ARHGEF1: variants seen among roughly 807,000 people sequenced by gnomAD.
The protein encoded by ARHGEF1 is Rho guanine nucleotide exchange factor 1.
A neutral mutation model predicts 119.7 loss-of-function variants in ARHGEF1; 40 were observed. The observed-to-expected ratio is 0.33, with a 90% CI of 0.26 to 0.44. The LOEUF is 0.44. ARHGEF1 is among the 20% of genes least tolerant of loss of function. ARHGEF1 has a pLI of 1.00. For missense variants in ARHGEF1, 976 were observed against 1,268.3 expected (o/e 0.77, Z 3.50); for synonymous variants, 494 against 521.0 (o/e 0.95, Z 0.71).
downstream of ARHGEF1, chr19:41,908,336 C>T (rs948435216): frequency 2.1e-5 from 26 of 1,231,384 alleles, no homozygotes; most frequent in African/African-American, 4.7e-5. The surrounding 1 kb of genome is among the most constrained non-coding windows in gnomAD (Gnocchi z 6.7). Flanking sequence ...TCTCCAGCTC[C>T]GAGTCGCTGT....
chr19:41,915,389 G>A (rs1314153573), intron 18 of ARHGEF1, among the ~76,000 whole-genome samples: 12 of 150,894 alleles, frequency 8.0e-5, no homozygotes, highest in African/African-American at 1.5e-4. Flanking sequence ...CGCCTCTGCC[G>A]CCCTGTCCCC....
intron 1 of ARHGEF1, among the ~76,000 whole-genome samples, chr19:41,885,682 G>C (rs946113195): frequency 3.9e-5 from 6 of 152,136 alleles, no homozygotes; most frequent in Non-Finnish European, 8.8e-5. Context: ...GGATGGTGTC[G>C]ATCTCTTGAC....
At position 41,906,965 on chromosome 19, in the gene ARHGEF1, C is replaced by G. The variant is rs1458025802; in HGVS notation, c.*18-140C>G. 1.0e-6 allele frequency: 1 copy of G among 967,364 alleles called. No homozygotes were observed. The highest frequency in any genetic ancestry group is 1.5e-6 in the Non-Finnish European group (1 of 674,162). 59.9% of individuals were successfully genotyped at this position (967,364 alleles called of 1,614,324 possible). A position where few individuals can be genotyped will look rare whatever the true frequency, so the allele number is the denominator to read the frequency against. On this transcript the variant is annotated intron_variant, in intron 28 of 28. Transcript: ENST00000354532. This position sits in a 1 kb window ranked among gnomAD's most constrained non-coding sequence, Gnocchi z 4.5. Reference sequence around the variant, plus strand: ...TCTCTGTGTCTCTGTTTCTGATAATCTGTTTCTCTGTCTCTGTGCCCGCCT... The same window carrying G: ...TCTCTGTGTCTCTGTTTCTGATAATGTGTTTCTCTGTCTCTGTGCCCGCCT...
intron 13 of ARHGEF1, chr19:41,897,938 G>A: frequency 7.7e-7 from 1 of 1,299,282 alleles, no homozygotes; most frequent in Non-Finnish European, 9.8e-7. Flanking sequence ...CTTGGCCTCG[G>A]GGTCCAGGCT....
At chr19:41,894,060 A>AGGATG (rs1283788851) in intron 8 of ARHGEF1, 147 bp from the exon 9 acceptor site, 3 of 484,554 alleles carry the variant, frequency 6.2e-6, no homozygotes, top group Non-Finnish European at 1.0e-5. Flanking sequence ...AGAGTCTCAC[A>AGGATG]GGAAGTAGTT....
chr19:41,915,779 CT>C (rs1172230226), intron 18 of ARHGEF1, among the ~76,000 whole-genome samples: 2 of 152,228 alleles, frequency 1.3e-5, no homozygotes, highest in South Asian at 2.1e-4. Context: ...TGGCGCCCCC[CT>C]GGCCCCATTG....
At chr19:41,921,298 G>A (rs989857424), upstream of ARHGEF1, among the ~76,000 whole-genome samples, 23 of 152,138 alleles carry the variant, frequency 1.5e-4, no homozygotes, top group African/African-American at 5.3e-4. This position sits in a 1 kb window ranked among gnomAD's most constrained non-coding sequence, Gnocchi z 4.4. Context: ...AAGAGAGACC[G>A]AGGGGGTGGA....
downstream of ARHGEF1, chr19:41,908,075 C>A: frequency 1.9e-6 from 1 of 513,672 alleles, no homozygotes; most frequent in Non-Finnish European, 3.0e-6. The surrounding 1 kb of genome is among the most constrained non-coding windows in gnomAD (Gnocchi z 6.7). Flanking sequence ...TGAGACCCCC[C>A]CCACTCTGGG....
chr19:41,915,713 CTCTGTT>C (rs1455001137), intron 18 of ARHGEF1, among the ~76,000 whole-genome samples: 24 of 152,338 alleles, frequency 1.6e-4, no homozygotes, highest in African/African-American at 5.8e-4. Flanking sequence ...ATGTCTCTGT[CTCTGTT>C]TCTGTCCCGG....
At position 41,902,891 on chromosome 19, in the gene ARHGEF1, G is replaced by A; in HGVS notation, c.1731G>A (p.Gln577=). Residue 577 remains glutamine, a synonymous_variant, in exon 18 of 29, where the codon CAG becomes CAA. Coordinates refer to ENST00000354532, the MANE Select transcript of ARHGEF1 (RefSeq NM_004706.4). This position sits in a 1 kb window ranked among gnomAD's most constrained non-coding sequence, Gnocchi z 6.5. ...KYPLLLQSIG[Q]NTEEPTEREK... ...CCCTGCTCCTGCAGAGCATCGGGCA[G>A]AACACAGGTACCGCGGGCCTGGATC... The A allele has an allele frequency of 1.2e-6, 2 of 1,600,948 alleles. No individual in the cohort carries two copies. The highest frequency in any genetic ancestry group is 1.7e-6 in the Non-Finnish European group (2 of 1,173,288).
downstream of ARHGEF1, chr19:41,909,247 G>C (rs112688597): frequency 4.9e-6 from 6 of 1,231,704 alleles, no homozygotes; most frequent in African/African-American, 7.8e-5. The surrounding 1 kb of genome is among the most constrained non-coding windows in gnomAD (Gnocchi z 5.2). Context: ...CAAGTGCCTC[G>C]GTTCCAGGAC....
rs1363723207 is a variant in ARHGEF1, at chr19:41,903,497, C to T, written c.1839+90C>T. On this transcript the variant is annotated intron_variant, in intron 19 of 28. Transcript: ENST00000354532. The surrounding 1 kb of genome is among the most constrained non-coding windows in gnomAD (Gnocchi z 4.2). ...CTCAGCCTGTCCAGAAGTCACACCCCACCCCTTGGCTTGTCTCCCTCAAGG... is the reference window on the plus strand; with the variant it reads ...CTCAGCCTGTCCAGAAGTCACACCCTACCCCTTGGCTTGTCTCCCTCAAGG... The T allele has an allele frequency of 7.6e-6, 10 of 1,310,662 alleles. No homozygotes were observed. In the South Asian group the frequency reaches 1.1e-4, roughly 15 times the overall value. The allele number at this position is 1,310,662 out of a possible 1,614,324, so 81.2% of individuals were successfully genotyped here.
chr19:41,909,330 G>A, downstream of ARHGEF1: 2 of 1,235,716 alleles, frequency 1.6e-6, no homozygotes, highest in South Asian at 4.1e-5. The surrounding 1 kb of genome is among the most constrained non-coding windows in gnomAD (Gnocchi z 5.2). Context: ...AGGGACTGGG[G>A]GTCAGCAAGA....
Position 41,906,322 on chromosome 19 carries a change from G to A in ARHGEF1, c.2492-135G>A, listed in dbSNP as rs928707295. Reference sequence around the variant, plus strand: ...CTTCTTCACCTCCCTTTGGATCCCCGAACCCCATCTGCTCAGCCTTGCCTG... The same window carrying A: ...CTTCTTCACCTCCCTTTGGATCCCCAAACCCCATCTGCTCAGCCTTGCCTG... On this transcript the variant is annotated intron_variant, in intron 26 of 28. Transcript: ENST00000354532. The surrounding 1 kb of genome is among the most constrained non-coding windows in gnomAD (Gnocchi z 4.5). 36 of 905,220 alleles carry A rather than the reference G, an allele frequency of 4.0e-5. No individual in the cohort carries two copies. The East Asian group carries it at 5.6e-4, about 14-fold the overall frequency. The allele number at this position is 905,220 out of a possible 1,614,324, so 56.1% of individuals were successfully genotyped here.
At chr19:41,923,051 G>A (rs2145908379), upstream of ARHGEF1, 1 of 428,156 alleles carries the variant, frequency 2.3e-6, no homozygotes, top group East Asian at 7.0e-5. Flanking sequence ...ACAGAGGGAA[G>A]TTCAGCGCCC....
In ARHGEF1 at chr19:41,892,399, G is replaced by A. The variant is rs550198381; in HGVS notation, c.367+26G>A. On this transcript the variant is annotated intron_variant, in intron 6 of 28. Coordinates refer to ENST00000354532, the MANE Select transcript of ARHGEF1 (RefSeq NM_004706.4). The surrounding 1 kb of genome is among the most constrained non-coding windows in gnomAD (Gnocchi z 6.3). ...GTAAGGAGAAGGATGGGATGAGGGAGAGGTGTCTAGCGGGGACCACACCTC... is the reference window on the plus strand; with the variant it reads ...GTAAGGAGAAGGATGGGATGAGGGAAAGGTGTCTAGCGGGGACCACACCTC... 2 of 1,613,900 alleles carry A rather than the reference G, an allele frequency of 1.2e-6. No homozygotes were observed. Among genetic ancestry groups the A allele is most frequent in the African/African-American group, 1.3e-5 (1 of 75,066 alleles).
At chr19:41,887,993 G>C in intron 1 of ARHGEF1, 71 bp from the exon 2 acceptor site, 1 of 1,525,666 alleles carries the variant, frequency 6.6e-7, no homozygotes, top group Non-Finnish European at 8.9e-7. Context: ...ACCTGGGCCA[G>C]GAATCTGTGA....
chr19:41,902,674 G>A lies in ARHGEF1; in HGVS notation c.1623+16G>A, dbSNP rs782573326. The A allele has an allele frequency of 1.2e-6, 2 of 1,613,982 alleles. No individual in the cohort carries two copies. Among genetic ancestry groups the A allele is most frequent in the East Asian group, 2.2e-5 (1 of 44,892 alleles). ...CTTCGTGCAGGTGAGGTGGGGTCTG[G>A]ACTCCAGCTTCCCAGGGAGGAGGGG... On this transcript the variant is annotated intron_variant, in intron 17 of 28. Transcript: ENST00000354532. This position sits in a 1 kb window ranked among gnomAD's most constrained non-coding sequence, Gnocchi z 6.5.
At chr19:41,921,878 C>T (rs2074844285), upstream of ARHGEF1, among the ~76,000 whole-genome samples, 1 of 151,732 alleles carries the variant, frequency 6.6e-6, no homozygotes, top group Non-Finnish European at 1.5e-5. The surrounding 1 kb of genome is among the most constrained non-coding windows in gnomAD (Gnocchi z 4.4). Context: ...CCCACCCTAC[C>T]CCTCCTCCTC....
Sources: allele counts gnomAD v4.1 joint callset (sites outside exome capture counted in the v4.1 genomes callset), GRCh38; gene constraint gnomAD v4.1.1; non-coding constraint Gnocchi (gnomAD v3.1); transcripts MANE v1.5; gene names NCBI Gene and HGNC (gene_info 2026-07-23, HGNC 2026-07-21).